ENPP2: variants seen among roughly 807,000 people sequenced by gnomAD.
The protein encoded by ENPP2 is ectonucleotide pyrophosphatase/phosphodiesterase 2.
A neutral mutation model predicts 120.2 loss-of-function variants in ENPP2; 51 were observed. The ratio of observed to expected loss-of-function variants is 0.42; its 90% CI spans 0.34 to 0.54. ENPP2 has a LOEUF of 0.54. ENPP2 is among the 20% of genes least tolerant of loss of function. The pLI, the probability that ENPP2 is intolerant of heterozygous loss-of-function variation, is 0.04. For missense variants in ENPP2, 920 were observed against 1,066.5 expected (o/e 0.86, Z 1.91); for synonymous variants, 365 against 366.4 (o/e 1.00, Z 0.04).
At chr8:119,664,214 G>A (rs1038562642) in intron 1 of ENPP2, among the ~76,000 whole-genome samples, 5 of 152,178 alleles carry the variant, frequency 3.3e-5, no homozygotes, top group South Asian at 2.1e-4. Flanking sequence ...TTCAGAGAAG[G>A]AAGATGATAT....
intron 1 of ENPP2, among the ~76,000 whole-genome samples, chr8:119,670,031 C>T (rs1194062133): frequency 6.6e-6 from 1 of 152,210 alleles, no homozygotes; most frequent in Admixed American, 6.5e-5. Context: ...TATCCAAGGA[C>T]TCTTACAAGC....
chr8:119,609,896 T>C (rs1023792223), intron 8 of ENPP2, among the ~76,000 whole-genome samples: 1 of 152,150 alleles, frequency 6.6e-6, no homozygotes, highest in African/African-American at 2.4e-5. Flanking sequence ...TCTCAAATAA[T>C]GACCTGCACT....
rs1200248997 is a variant in ENPP2, at chr8:119,562,958, T to C, written c.2320A>G (p.Ser774Gly). ...GCAGGCTGAGTGAAATCCAGACAGC[T>C]GGTGATGATGCTGTAGTAGTGAGTT... Reference protein sequence around the residue: ...VPTHYYSIITSCLDFTQPADK... With the variant: ...VPTHYYSIITGCLDFTQPADK... Residue 774 changes from serine (S) to glycine (G), a missense_variant, in exon 24 of 25, where the codon AGC (serine) becomes GGC (glycine). Ser to Gly is a moderately conservative substitution (Grantham distance 56). Transcript: ENST00000075322. The C allele has an allele frequency of 6.2e-7, 1 of 1,613,960 alleles. No individual in the cohort carries two copies. The highest frequency in any genetic ancestry group is 8.5e-7 in the Non-Finnish European group (1 of 1,179,828).
chr8:119,596,873 TGAA>T (rs1295600261), intron 11 of ENPP2, among the ~76,000 whole-genome samples: 1 of 152,078 alleles, frequency 6.6e-6, no homozygotes, highest in African/African-American at 2.4e-5. Flanking sequence ...ACACATAAAC[TGAA>T]GATAACCTTT....
chr8:119,598,493 C>G (rs1814059662), intron 11 of ENPP2, among the ~76,000 whole-genome samples: 1 of 152,106 alleles, frequency 6.6e-6, no homozygotes, highest in African/African-American at 2.4e-5. Context: ...TTAAAGCATC[C>G]TGTATGCCGC....
intron 1 of ENPP2, among the ~76,000 whole-genome samples, chr8:119,652,866 A>G (rs1817664427): frequency 6.6e-6 from 1 of 152,232 alleles, no homozygotes; most frequent in African/African-American, 2.4e-5. Flanking sequence ...AGCCAGATCT[A>G]TCTATCTGGG....
chr8:119,574,807 G>A (rs1448933466), intron 19 of ENPP2, among the ~76,000 whole-genome samples: 1 of 151,846 alleles, frequency 6.6e-6, no homozygotes, highest in Non-Finnish European at 1.5e-5. Context: ...TCCTTTTCTT[G>A]CATACTTTCT....
At chr8:119,559,157 C>T (rs1327276365) in intron 24 of ENPP2, among the ~76,000 whole-genome samples, 1 of 152,164 alleles carries the variant, frequency 6.6e-6, no homozygotes, top group African/African-American at 2.4e-5. Context: ...CTAAATATAA[C>T]TCTACCCACA....
chr8:119,564,010 T>C (rs1814186325), intron 23 of ENPP2, among the ~76,000 whole-genome samples: 1 of 151,444 alleles, frequency 6.6e-6, no homozygotes, highest in Admixed American at 6.6e-5. Flanking sequence ...TTTAATTTTA[T>C]ACAATGAAAA....
intron 24 of ENPP2, among the ~76,000 whole-genome samples, chr8:119,559,206 C>T (rs1024622348): frequency 3.9e-5 from 6 of 152,262 alleles, no homozygotes; most frequent in South Asian, 2.1e-4. Flanking sequence ...CTATAATTAA[C>T]GAAGTAGGAG....
At chr8:119,630,308 A>G (rs1816574770) in intron 2 of ENPP2, among the ~76,000 whole-genome samples, 1 of 152,076 alleles carries the variant, frequency 6.6e-6, no homozygotes, top group Admixed American at 6.5e-5. Flanking sequence ...GGGTTTCACC[A>G]TGTTGGTCAG....
intron 2 of ENPP2, among the ~76,000 whole-genome samples, chr8:119,633,900 T>C (rs1026261861): frequency 2.0e-5 from 3 of 151,246 alleles, no homozygotes; most frequent in Admixed American, 1.3e-4. Flanking sequence ...CACAATGGTC[T>C]GACCTGCCTC....
In ENPP2 at chr8:119,565,006, T is replaced by C. The variant is rs759048505; in HGVS notation, c.2132-51A>G. On this transcript the variant is annotated intron_variant, in intron 22 of 24. Transcript: ENST00000075322. Reference sequence around the variant, plus strand: ...TCAATTATTCATGAAGAAAACTCCTTACTCTAGCCAAATTCTCTCTAGGAT... The same window carrying C: ...TCAATTATTCATGAAGAAAACTCCTCACTCTAGCCAAATTCTCTCTAGGAT... 2.6e-6 allele frequency: 4 copies of C among 1,556,746 alleles called. No homozygotes were observed. In the South Asian group the frequency reaches 4.6e-5, roughly 18 times the overall value.
At chr8:119,619,152 C>A in intron 5 of ENPP2, 92 bp downstream of exon 5, 1 of 951,354 alleles carries the variant, frequency 1.1e-6, no homozygotes, top group South Asian at 1.4e-5. Flanking sequence ...AATTTCAGTT[C>A]CACATTGTTT....
chr8:119,580,241 C>T (rs1270641531), intron 18 of ENPP2, 74 bp from the exon 19 acceptor site: 4 of 1,133,130 alleles, frequency 3.5e-6, no homozygotes, highest in South Asian at 2.5e-5. Context: ...GCCCTTCTGT[C>T]GACTTAGCAC....
chr8:119,616,799 A>G (rs1230336240), intron 7 of ENPP2, among the ~76,000 whole-genome samples: 1 of 152,178 alleles, frequency 6.6e-6, no homozygotes. Context: ...ATTATGTTTT[A>G]AAGAAGGAAG....
chr8:119,571,535 A>AT (rs964846610), intron 19 of ENPP2: 1 of 152,154 alleles, frequency 6.6e-6, no homozygotes, highest in Non-Finnish European at 1.5e-5. Context: ...GGAAAAAAAA[A>AT]GGTCTGAAGC....
intron 10 of ENPP2, 98 bp downstream of exon 10, chr8:119,601,299 A>G: frequency 1.2e-6 from 1 of 837,292 alleles, no homozygotes; most frequent in East Asian, 2.5e-5. Flanking sequence ...TTTAATTCCA[A>G]ACATTGGCTG....
intron 20 of ENPP2, among the ~76,000 whole-genome samples, chr8:119,569,742 C>G (rs62528897): frequency 0.092 from 13,501 of 146,366 alleles, 823 homozygotes; most frequent in South Asian, 0.19. Context: ...GACTATTTAT[C>G]TGTGTGTGTG....
Sources: gnomAD v4.1 joint callset for allele counts (sites outside exome capture counted in the v4.1 genomes callset) on GRCh38, gnomAD v4.1.1 for gene constraint, MANE v1.5 for transcripts, NCBI Gene and HGNC (gene_info 2026-07-23, HGNC 2026-07-21) for gene names.